UBE2H: variants seen among roughly 807,000 people sequenced by gnomAD.
The protein encoded by UBE2H is ubiquitin conjugating enzyme E2 H.
A neutral mutation model predicts 29.0 loss-of-function variants in UBE2H; 3 were observed. That is an observed-to-expected ratio of 0.10 (90% CI 0.05 to 0.27). The LOEUF (loss-of-function observed/expected upper bound fraction) is 0.27, where lower values mean the gene tolerates loss of function less well. Ranked by LOEUF, UBE2H falls within the 10% of genes least tolerant of loss-of-function variation. The pLI, the probability that UBE2H is intolerant of heterozygous loss-of-function variation, is 1.00. For missense variants in UBE2H, 68 were observed against 228.2 expected (o/e 0.30, Z 4.52); for synonymous variants, 69 against 82.9 (o/e 0.83, Z 0.91).
chr7:129,913,608 T>A (rs1197516444), intron 1 of UBE2H, among the ~76,000 whole-genome samples: 9 of 152,256 alleles, frequency 5.9e-5, no homozygotes, highest in Non-Finnish European at 1.5e-5. Context: ...AGGACATCCA[T>A]CCATTTTACA....
chr7:129,940,105 C>T (rs904017869), intron 1 of UBE2H, among the ~76,000 whole-genome samples: 5 of 152,122 alleles, frequency 3.3e-5, no homozygotes, highest in South Asian at 2.1e-4. Flanking sequence ...AAACCAGACA[C>T]GCACTCTGTA....
intron 1 of UBE2H, among the ~76,000 whole-genome samples, chr7:129,918,118 C>A (rs1310481170): frequency 6.6e-6 from 1 of 152,174 alleles, no homozygotes; most frequent in Admixed American, 6.5e-5. Context: ...AAGACAAATG[C>A]TCCTATTAAA....
At chr7:129,894,860 C>A (rs1167702913) in intron 1 of UBE2H, among the ~76,000 whole-genome samples, 1 of 151,984 alleles carries the variant, frequency 6.6e-6, no homozygotes, top group Non-Finnish European at 1.5e-5. Flanking sequence ...GATTGACACT[C>A]ACTGTCAAAT....
intron 5 of UBE2H, among the ~76,000 whole-genome samples, chr7:129,846,367 TAATAATAA>T (rs1411267616): frequency 1.3e-5 from 2 of 150,326 alleles, no homozygotes; most frequent in Non-Finnish European, 3.0e-5. Flanking sequence ...ATAATAATAA[TAATAATAA>T]TAATAATAAT....
intron 1 of UBE2H, among the ~76,000 whole-genome samples, chr7:129,928,230 G>A (rs1807312662): frequency 1.3e-5 from 2 of 151,902 alleles, no homozygotes; most frequent in Admixed American, 1.3e-4. Context: ...GGAGGCTGAG[G>A]CAGGAGAAGT....
intron 1 of UBE2H, among the ~76,000 whole-genome samples, chr7:129,943,332 C>T (rs941691755): frequency 3.9e-5 from 6 of 152,182 alleles, no homozygotes; most frequent in African/African-American, 1.4e-4. Flanking sequence ...CCATACCTGG[C>T]TAATTTTTTA....
At position 129,929,184 on chromosome 7, in the gene UBE2H, G is replaced by A. The variant is rs541256333; in HGVS notation, c.53+23319C>T. The stretch of plus-strand genomic sequence containing the variant: ...AAATACAAAATTAGCTGGCGTGGTG[G>A]CACATGCCGGTAATCCCAGCTACTT... On this transcript the variant is annotated intron_variant, in intron 1 of 6. Coordinates refer to ENST00000355621, the MANE Select transcript of UBE2H (RefSeq NM_003344.4). Among the ~76,000 whole-genome samples, 3 of 152,290 alleles carry A rather than the reference G, an allele frequency of 2.0e-5. No homozygotes were observed. The South Asian group carries it at 6.2e-4, about 32-fold the overall frequency.
intron 5 of UBE2H, among the ~76,000 whole-genome samples, chr7:129,856,098 C>T (rs527712014): frequency 6.6e-6 from 1 of 152,212 alleles, no homozygotes; most frequent in South Asian, 2.1e-4. Flanking sequence ...TTGAACGGCA[C>T]AATCAGGTGG....
intron 1 of UBE2H, 38 bp from the exon 2 acceptor site, chr7:129,881,009 A>G (rs1457464477): frequency 1.9e-6 from 3 of 1,575,098 alleles, no homozygotes; most frequent in Non-Finnish European, 2.6e-6. Context: ...CAGGCTTTAC[A>G]GTATCTGGCA....
chr7:129,890,150 TA>T (rs1402220696), intron 1 of UBE2H, among the ~76,000 whole-genome samples: 2 of 151,818 alleles, frequency 1.3e-5, no homozygotes, highest in African/African-American at 4.8e-5. Flanking sequence ...CAAATAAATT[TA>T]AAAATAAGAT....
At chr7:129,844,881 C>A (rs1382336976) in intron 5 of UBE2H, among the ~76,000 whole-genome samples, 1 of 152,192 alleles carries the variant, frequency 6.6e-6, no homozygotes, top group African/African-American at 2.4e-5. Context: ...GTAATCCTAG[C>A]ACTTTGGGAG....
chr7:129,865,076 A>G (rs1293659603), intron 3 of UBE2H: 1 of 444,844 alleles, frequency 2.2e-6, no homozygotes. Context: ...CTGGAGAAGG[A>G]ATCCAAATCA....
intron 1 of UBE2H, among the ~76,000 whole-genome samples, chr7:129,929,428 T>C (rs1563049776): frequency 6.6e-6 from 1 of 151,384 alleles, no homozygotes; most frequent in Non-Finnish European, 1.5e-5. Context: ...AAAGAGACAC[T>C]AGCACATTTC....
intron 3 of UBE2H, chr7:129,864,942 G>C (rs565710060): frequency 4.0e-6 from 1 of 252,566 alleles, no homozygotes; most frequent in Non-Finnish European, 8.3e-6. Flanking sequence ...ATTCTCTGGC[G>C]TAGTTCTAGC....
chr7:129,910,418 A>C (rs1331543653), intron 1 of UBE2H, among the ~76,000 whole-genome samples: 1 of 152,066 alleles, frequency 6.6e-6, no homozygotes, highest in African/African-American at 2.4e-5. Flanking sequence ...AGGCTAGGGG[A>C]GGGGAGAGGC....
At chr7:129,863,345 T>C (rs947852770) in intron 3 of UBE2H, among the ~76,000 whole-genome samples, 1 of 152,182 alleles carries the variant, frequency 6.6e-6, no homozygotes, top group African/African-American at 2.4e-5. Flanking sequence ...AACAGGGACA[T>C]GGGTTCTAGC....
intron 2 of UBE2H, 57 bp from the exon 3 acceptor site, chr7:129,879,699 C>CT: frequency 6.7e-7 from 1 of 1,489,818 alleles, no homozygotes; most frequent in Non-Finnish European, 9.3e-7. Flanking sequence ...GAAAATAAAT[C>CT]TGAGTGTAAA....
chr7:129,853,113 G>A (rs1374772862), intron 5 of UBE2H, among the ~76,000 whole-genome samples: 79 of 152,128 alleles, frequency 5.2e-4, no homozygotes, highest in Admixed American at 5.2e-3. Context: ...CATTTGCAGG[G>A]ATCAAGCATG....
chr7:129,940,166 C>T (rs1232514189), intron 1 of UBE2H, among the ~76,000 whole-genome samples: 1 of 151,918 alleles, frequency 6.6e-6, no homozygotes, highest in Admixed American at 6.6e-5. Context: ...ATCCAAAAAA[C>T]CTTGAAAAGT....
Sources: allele counts gnomAD v4.1 joint callset (sites outside exome capture counted in the v4.1 genomes callset), GRCh38; gene constraint gnomAD v4.1.1; transcripts MANE v1.5; gene names NCBI Gene and HGNC (gene_info 2026-07-23, HGNC 2026-07-21).